Variants in HGF observed in about 807,000 individuals in gnomAD.
The protein encoded by HGF is hepatocyte growth factor, also known as fibroblast-derived tumor cytotoxic factor.
HGF carries 39 observed loss-of-function variants against 111.6 expected under a neutral mutation model. The observed-to-expected ratio is 0.35, with a 90% CI of 0.27 to 0.46. The LOEUF (loss-of-function observed/expected upper bound fraction) is 0.46, where lower values mean the gene tolerates loss of function less well. HGF is among the 20% of genes least tolerant of loss of function. The probability of loss-of-function intolerance (pLI) is 1.00; values close to 1 mark genes in which losing one functional copy is unlikely to be tolerated. For missense variants in HGF, 735 were observed against 910.5 expected, an observed-to-expected ratio of 0.81 and a Z score of 2.48; for synonymous variants, 285 against 294.8, an observed-to-expected ratio of 0.97 and a Z score of 0.34.
Position 81,720,787 on chromosome 7 carries a change from A to C in HGF, c.1229T>G (p.Leu410Arg), listed in dbSNP as rs1163385955. The C allele has an allele frequency of 3.1e-6, 5 of 1,613,396 alleles. No individual in the cohort carries two copies. The highest frequency in any genetic ancestry group is 4.2e-6 in the Non-Finnish European group (5 of 1,179,322). The change falls in exon 10 of 18, where the codon CTA (leucine) becomes CGA (arginine). Residue 410 changes from leucine to arginine, a missense_variant. Transcript: ENST00000222390. ...GTTCTTGTCCCACATTGAACATGTT[A>C]GTCCAGATCTTGTTTGGGATAAGTT... is the stretch of plus-strand genomic sequence containing the variant. ...MGNLSQTRSG[L>R]TCSMWDKNME...
At chr7:81,755,137 T>A (rs1230114182) in intron 4 of HGF, 1 of 152,104 alleles carries the variant, frequency 6.6e-6, no homozygotes, top group African/African-American at 2.4e-5. Context: ...CAATGAAGGA[T>A]ACAGATGTAG....
chr7:81,756,490 T>G (rs182631763), intron 4 of HGF: 1 of 164,474 alleles, frequency 6.1e-6, no homozygotes, highest in East Asian at 1.8e-4. Flanking sequence ...AAACTCTCAG[T>G]CTGACGAGCC....
At chr7:81,747,203 G>T (rs1277248556) in intron 5 of HGF, among the ~76,000 whole-genome samples, 1 of 152,184 alleles carries the variant, frequency 6.6e-6, no homozygotes, top group Admixed American at 6.5e-5. Context: ...ATCAGGTGTG[G>T]TGGTGGGCAC....
rs373238903 is a variant in HGF at position 81,700,770 on chromosome 7, TAA to T, written c.*1809_*1810del. ...GTTGGATGTCTTTTTGCTTCCACTT[TAA>T]GTTTCTTGATGCCAGCACATATCTT... is the stretch of plus-strand genomic sequence containing the variant. On this transcript the variant is annotated 3_prime_UTR_variant, in exon 18 of 18. Transcript: ENST00000222390. 6 of 151,672 alleles carry T rather than the reference TAA, an allele frequency of 4.0e-5. No individual in the cohort carries two copies. Among genetic ancestry groups the T allele is most frequent in the Non-Finnish European group, 8.9e-5 (6 of 67,608 alleles). The allele number at this position is 151,672 out of a possible 1,614,324, so 9.4% of individuals were successfully genotyped here. A position where few individuals can be genotyped will look rare whatever the true frequency, so the allele number is the denominator to read the frequency against.
intron 4 of HGF, 30 bp downstream of exon 4, chr7:81,757,159 C>A (rs1397648160): frequency 9.5e-7 from 1 of 1,054,402 alleles, no homozygotes; most frequent in South Asian, 1.3e-5. Flanking sequence ...AAGACAGAGG[C>A]TTCATCTCTT....
chr7:81,766,612 C>T (rs1485174241), intron 1 of HGF, among the ~76,000 whole-genome samples: 1 of 152,156 alleles, frequency 6.6e-6, no homozygotes, highest in Non-Finnish European at 1.5e-5. Context: ...GCTGCAGCAT[C>T]ATCTCTTCCA....
At chr7:81,721,514 A>AAT (rs1789863773) in intron 9 of HGF, among the ~76,000 whole-genome samples, 1 of 152,230 alleles carries the variant, frequency 6.6e-6, no homozygotes, top group East Asian at 1.9e-4. Flanking sequence ...ATAGAAAAGT[A>AAT]ATATAACGAA....
intron 1 of HGF, among the ~76,000 whole-genome samples, chr7:81,769,124 C>T (rs991481106): frequency 2.0e-5 from 3 of 152,070 alleles, no homozygotes; most frequent in Non-Finnish European, 4.4e-5. Flanking sequence ...TTTCCTCTTG[C>T]CCTGATAACA....
At chr7:81,720,565 A>G in intron 10 of HGF, among the ~76,000 whole-genome samples, 180 bp downstream of exon 10, 1 of 152,258 alleles carries the variant, frequency 6.6e-6, no homozygotes, top group East Asian at 1.9e-4. Flanking sequence ...TTGCATATTT[A>G]AAAGTTTGCT....
chr7:81,728,104 A>G lies in HGF; in HGVS notation c.1040+1501T>C, dbSNP rs540829041. 2.6e-5 allele frequency among the ~76,000 whole-genome samples: 4 copies of G among 152,350 alleles called. No individual in the cohort carries two copies. In the South Asian group the frequency reaches 8.3e-4, roughly 32 times the overall value. ...TAATGTTTAATAGAGACACGTGACC[A>G]GTACGCCCCCTCACTACTGGATCAC... On this transcript the variant is annotated intron_variant, in intron 8 of 17. Transcript: ENST00000222390.
chr7:81,747,664 A>T (rs1201161042), intron 5 of HGF, among the ~76,000 whole-genome samples: 1 of 152,194 alleles, frequency 6.6e-6, no homozygotes, highest in Admixed American at 6.5e-5. Flanking sequence ...ATATTATTTG[A>T]TTGTTTATAC....
At chr7:81,752,096 C>T (rs1396266882) in intron 5 of HGF, 24 bp downstream of exon 5, 2 of 1,613,074 alleles carry the variant, frequency 1.2e-6, no homozygotes, top group South Asian at 1.1e-5. Flanking sequence ...TAGAATGGCC[C>T]ACATGGCATT....
chr7:81,703,643 T>G (rs1306737315), intron 17 of HGF, among the ~76,000 whole-genome samples: 1 of 151,380 alleles, frequency 6.6e-6, no homozygotes, highest in East Asian at 1.9e-4. Flanking sequence ...ACTACAACTG[T>G]GCTGCACCAC....
intron 3 of HGF, 69 bp from the exon 4 acceptor site, chr7:81,757,372 C>T (rs956175116): frequency 5.7e-5 from 46 of 808,112 alleles, no homozygotes; most frequent in African/African-American, 2.0e-4. Flanking sequence ...AAAAAAATTC[C>T]GTTCAAACCT....
intron 1 of HGF, among the ~76,000 whole-genome samples, chr7:81,763,968 T>C (rs1789228808): frequency 6.6e-6 from 1 of 152,196 alleles, no homozygotes; most frequent in South Asian, 2.1e-4. Context: ...ATGCCATCTG[T>C]AGCTAAGAAT....
At chr7:81,739,719 G>T (rs991530827) in intron 7 of HGF, among the ~76,000 whole-genome samples, 21 of 151,960 alleles carry the variant, frequency 1.4e-4, no homozygotes, top group Admixed American at 8.5e-4. Flanking sequence ...GAGAAGAAGA[G>T]GTGGAACTTG....
rs1346616467 is a variant in HGF, at chr7:81,769,963, C to T, written c.9G>A (p.Val3=). 1.3e-6 allele frequency: 2 copies of T among 1,556,310 alleles called. No homozygotes were observed. The highest frequency in any genetic ancestry group is 4.8e-5 in the East Asian group (2 of 41,466). The change falls in exon 1 of 18, where the codon GTG becomes GTA. Residue 3 remains valine (V), a synonymous_variant. Transcript: ENST00000222390. MW[V]TKLLPALLLQ... ...GCAGCAGGGCTGGCAGGAGTTTGGT[C>T]ACCCACATGGTGCTGCTGGACGGGC...
intron 17 of HGF, among the ~76,000 whole-genome samples, chr7:81,703,168 T>C (rs1351400917): frequency 6.6e-6 from 1 of 151,514 alleles, no homozygotes; most frequent in Non-Finnish European, 1.5e-5. Flanking sequence ...AATACAAGTA[T>C]AAAAGAAAAT....
At chr7:81,759,496 A>G (rs1183750283) in intron 2 of HGF, among the ~76,000 whole-genome samples, 1 of 152,134 alleles carries the variant, frequency 6.6e-6, no homozygotes. Flanking sequence ...GTTTGCTTAT[A>G]TAAGCATTTT....
Sources: gnomAD v4.1 joint callset for allele counts (sites outside exome capture counted in the v4.1 genomes callset) on GRCh38, gnomAD v4.1.1 for gene constraint, MANE v1.5 for transcripts, NCBI Gene and HGNC (gene_info 2026-07-23, HGNC 2026-07-21) for gene names.